Variants in TMTC2 observed in about 807,000 individuals in gnomAD.
TMTC2 encodes the protein transmembrane O-mannosyltransferase targeting cadherins 2, also known as protein O-mannosyl-transferase TMTC2.
Under a neutral mutation model 82.4 loss-of-function variants are expected in TMTC2, and 43 were observed. The observed-to-expected ratio is 0.52, with a 90% confidence interval of 0.41 to 0.67. The LOEUF (loss-of-function observed/expected upper bound fraction) is 0.67, where lower values mean the gene tolerates loss of function less well. Among genes scored for constraint, TMTC2 ranks in the 30% least tolerant of loss-of-function variants. The pLI is 0.00. For missense variants in TMTC2, 919 were observed against 1,012.4 expected, an observed-to-expected ratio of 0.91 and a Z score of 1.25; for synonymous variants, 408 against 381.9, an observed-to-expected ratio of 1.07 and a Z score of -0.80.
intron 1 of TMTC2, among the ~76,000 whole-genome samples, chr12:82,821,057 C>T (rs1045383058): frequency 2.6e-5 from 4 of 151,514 alleles, no homozygotes; most frequent in African/African-American, 9.7e-5. Flanking sequence ...AAGAGTCTTG[C>T]GATGTTGTCA....
intron 1 of TMTC2, among the ~76,000 whole-genome samples, chr12:82,837,496 A>G (rs898692216): frequency 6.6e-6 from 1 of 152,202 alleles, no homozygotes; most frequent in African/African-American, 2.4e-5. Flanking sequence ...GACTTAAAAT[A>G]TTCAATTAAC....
intron 1 of TMTC2, among the ~76,000 whole-genome samples, chr12:82,824,002 T>C (rs892114675): frequency 2.0e-5 from 3 of 152,082 alleles, no homozygotes; most frequent in African/African-American, 4.8e-5. Context: ...CAAGTGATTC[T>C]TGTGCCTCAG....
At chr12:82,876,860 G>A (rs532269650) in intron 2 of TMTC2, among the ~76,000 whole-genome samples, 1 of 152,132 alleles carries the variant, frequency 6.6e-6, no homozygotes, top group African/African-American at 2.4e-5. Flanking sequence ...TTTCCCCAAT[G>A]TCCACATCTC....
chr12:83,074,443 CCTG>C (rs1883218286), intron 11 of TMTC2, among the ~76,000 whole-genome samples: 1 of 152,086 alleles, frequency 6.6e-6, no homozygotes, highest in African/African-American at 2.4e-5. Context: ...TGGTTGGTCT[CCTG>C]CTGGGACCAT....
chr12:82,754,571 C>G (rs182741799), intron 1 of TMTC2, among the ~76,000 whole-genome samples: 2 of 151,976 alleles, frequency 1.3e-5, no homozygotes, highest in East Asian at 3.9e-4. Context: ...CCTGTCTCTA[C>G]TAAAACGGTA....
chr12:82,930,488 G>A lies in TMTC2; in HGVS notation c.1541G>A (p.Ser514Asn), dbSNP rs752661006. Residue 514 changes from serine to asparagine, a missense_variant, in exon 4 of 12, where the codon AGC becomes AAC. Physicochemically the swap from Ser to Asn is conservative, Grantham distance 46. Transcript: ENST00000321196. ...KSQSKISEAE[S>N]AYRNALYYRS... is the part of the protein sequence containing the mutation. ...CAGAGCAAAATTTCTGAAGCTGAAA[G>A]CGCCTATAGAAATGCTTTGTACTAC... 5.6e-6 allele frequency: 9 copies of A among 1,604,886 alleles called. No individual in the cohort carries two copies. Among genetic ancestry groups the A allele is most frequent in the Non-Finnish European group, 7.7e-6 (9 of 1,173,040 alleles).
chr12:82,940,874 T>A (rs1876680133), intron 4 of TMTC2, among the ~76,000 whole-genome samples: 1 of 152,096 alleles, frequency 6.6e-6, no homozygotes, highest in South Asian at 2.1e-4. Context: ...CTCTTTTTAA[T>A]CTGGATTATG....
intron 8 of TMTC2, among the ~76,000 whole-genome samples, chr12:83,018,663 G>GTTT (rs60811291): frequency 0.067 from 9,560 of 143,462 alleles, 427 homozygotes; most frequent in African/African-American, 0.12. Flanking sequence ...AAATTTGCGG[G>GTTT]TTTTTTTTTT....
intron 8 of TMTC2, among the ~76,000 whole-genome samples, chr12:83,003,477 G>T (rs1030691061): frequency 3.3e-5 from 5 of 152,118 alleles, no homozygotes; most frequent in Non-Finnish European, 7.4e-5. Flanking sequence ...GCTGTTTTAT[G>T]TAGACTTGAT....
intron 1 of TMTC2, among the ~76,000 whole-genome samples, chr12:82,817,286 T>G (rs1868798662): frequency 6.6e-6 from 1 of 152,118 alleles, no homozygotes; most frequent in African/African-American, 2.4e-5. Flanking sequence ...TTCTTTATTC[T>G]GTGAAAGTCT....
At chr12:82,954,605 C>A (rs1022098126) in intron 4 of TMTC2, among the ~76,000 whole-genome samples, 1 of 152,182 alleles carries the variant, frequency 6.6e-6, no homozygotes, top group Non-Finnish European at 1.5e-5. Context: ...GTTTCCCTTG[C>A]GTGTTGCAGG....
At chr12:82,826,596 A>G in intron 1 of TMTC2, among the ~76,000 whole-genome samples, 1 of 152,226 alleles carries the variant, frequency 6.6e-6, no homozygotes, top group Non-Finnish European at 1.5e-5. Flanking sequence ...TTATGTTCAT[A>G]AGTAATTATG....
At chr12:83,095,263 T>C (rs1208461587) in intron 11 of TMTC2, among the ~76,000 whole-genome samples, 7 of 150,946 alleles carry the variant, frequency 4.6e-5, no homozygotes, top group Non-Finnish European at 7.4e-5. Context: ...TTTTTTGAGA[T>C]GGAGTCTCGC....
At chr12:82,694,136 G>A (rs1047410686) in intron 1 of TMTC2, among the ~76,000 whole-genome samples, 3 of 152,106 alleles carry the variant, frequency 2.0e-5, no homozygotes, top group Non-Finnish European at 4.4e-5. Context: ...AAAAAGGCAG[G>A]AGGACTGAAA....
At chr12:82,875,584 A>C (rs1312092391) in intron 2 of TMTC2, among the ~76,000 whole-genome samples, 1 of 152,204 alleles carries the variant, frequency 6.6e-6, no homozygotes, top group African/African-American at 2.4e-5. Flanking sequence ...GAGCTAAGTC[A>C]GAATTTAGCA....
chr12:83,120,043 C>T (rs1009777488), intron 11 of TMTC2, among the ~76,000 whole-genome samples: 1 of 152,190 alleles, frequency 6.6e-6, no homozygotes, highest in Non-Finnish European at 1.5e-5. Context: ...ACATGAGTCT[C>T]TTGAAGACAG....
chr12:83,119,131 T>A lies in TMTC2; in HGVS notation c.2332-13079T>A, dbSNP rs562320152. Among the ~76,000 whole-genome samples, 20 of 152,314 alleles carry A rather than the reference T, an allele frequency of 1.3e-4. No homozygotes were observed. In the South Asian group the frequency reaches 4.1e-3, roughly 32 times the overall value. ...CTGTTTCATTTATCTTTTGGATTTTTTTGTTTCAATTTCATTTAGTTCTGC... is the reference window on the plus strand; with the variant it reads ...CTGTTTCATTTATCTTTTGGATTTTATTGTTTCAATTTCATTTAGTTCTGC... On this transcript the variant is annotated intron_variant, in intron 11 of 11. Transcript: ENST00000321196.
At chr12:82,844,221 C>T (rs917620389) in intron 1 of TMTC2, among the ~76,000 whole-genome samples, 2 of 152,154 alleles carry the variant, frequency 1.3e-5, no homozygotes, top group African/African-American at 2.4e-5. Flanking sequence ...AAGATTATGA[C>T]CCCACAGGAT....
intron 3 of TMTC2, among the ~76,000 whole-genome samples, chr12:82,915,707 T>G (rs1565808001): frequency 6.6e-6 from 1 of 152,230 alleles, no homozygotes; most frequent in South Asian, 2.1e-4. Context: ...GAACTCTTGG[T>G]CTTTCTAAGG....
Sources: allele counts gnomAD v4.1 joint callset (sites outside exome capture counted in the v4.1 genomes callset), GRCh38; gene constraint gnomAD v4.1.1; transcripts MANE v1.5; gene names NCBI Gene and HGNC (gene_info 2026-07-23, HGNC 2026-07-21).